LRP1B: variants seen among roughly 807,000 people sequenced by gnomAD.
The protein encoded by LRP1B is low-density lipoprotein receptor-related protein 1B.
LRP1B carries 217 observed loss-of-function variants against 556.6 expected under a neutral mutation model. That is an observed-to-expected ratio of 0.39 (90% confidence interval 0.35 to 0.44). The LOEUF is 0.44. Among genes scored for constraint, LRP1B ranks in the 20% least tolerant of loss-of-function variants. The pLI, the probability that LRP1B is intolerant of heterozygous loss-of-function variation, is 1.00. For missense variants in LRP1B, 5,053 were observed against 5,620.8 expected (o/e 0.90, Z 3.23); for synonymous variants, 2,047 against 1,865.8 (o/e 1.10, Z -2.50).
At chr2:141,140,952 T>A (rs1015448693) in intron 7 of LRP1B, among the ~76,000 whole-genome samples, 2 of 152,116 alleles carry the variant, frequency 1.3e-5, no homozygotes, top group Non-Finnish European at 2.9e-5. Context: ...ATTTTTAATG[T>A]TTAACTGTGC....
intron 2 of LRP1B, among the ~76,000 whole-genome samples, chr2:141,637,706 G>A (rs1046316455): frequency 2.6e-5 from 4 of 152,168 alleles, no homozygotes; most frequent in African/African-American, 4.8e-5. Context: ...GAAATCATGA[G>A]ATTCTAATAC....
chr2:142,000,822 C>T (rs930230947), intron 1 of LRP1B, among the ~76,000 whole-genome samples: 2 of 152,006 alleles, frequency 1.3e-5, no homozygotes, highest in African/African-American at 2.4e-5. Context: ...CCCAGATCAC[C>T]CAAATATTGA....
At chr2:141,185,227 G>T (rs1681188479) in intron 7 of LRP1B, among the ~76,000 whole-genome samples, 1 of 152,034 alleles carries the variant, frequency 6.6e-6, no homozygotes, top group Non-Finnish European at 1.5e-5. Flanking sequence ...AAAGGCAGAA[G>T]AAATATCCAA....
At position 141,741,369 on chromosome 2, in the gene LRP1B, C is replaced by G. The variant is rs187440652; in HGVS notation, c.205+68910G>C. Among the ~76,000 whole-genome samples the G allele has an allele frequency of 2.3e-3, 340 of 146,212 alleles. 2 individuals carry two copies. The highest frequency in any genetic ancestry group is 8.3e-3 in the African/African-American group (325 of 39,118). Reference sequence around the variant, plus strand: ...CTCTAATTTTAGTTTTTTTGAGGAGCCTCCAAACTGTTCTATAAAGTGGTT... The same window carrying G: ...CTCTAATTTTAGTTTTTTTGAGGAGGCTCCAAACTGTTCTATAAAGTGGTT... On this transcript the variant is annotated intron_variant, in intron 2 of 90. Coordinates refer to ENST00000389484, the MANE Select transcript of LRP1B (RefSeq NM_018557.3).
intron 1 of LRP1B, among the ~76,000 whole-genome samples, chr2:142,039,577 A>C (rs1254146317): frequency 6.6e-6 from 1 of 151,552 alleles, no homozygotes; most frequent in Non-Finnish European, 1.5e-5. Flanking sequence ...CAAACTAAAC[A>C]GAATTCCTGG....
intron 1 of LRP1B, among the ~76,000 whole-genome samples, chr2:141,981,482 G>A (rs1055146888): frequency 6.6e-6 from 1 of 152,138 alleles, no homozygotes; most frequent in Admixed American, 6.5e-5. Context: ...TCAGATCACA[G>A]AGTTAAGAGG....
At chr2:141,932,121 A>C (rs1202459543) in intron 1 of LRP1B, among the ~76,000 whole-genome samples, 1 of 151,992 alleles carries the variant, frequency 6.6e-6, no homozygotes, top group Non-Finnish European at 1.5e-5. Context: ...GCAAAAGATA[A>C]AGTGAGCAAA....
chr2:142,118,220 G>A (rs1048447563), intron 1 of LRP1B, among the ~76,000 whole-genome samples: 2 of 151,814 alleles, frequency 1.3e-5, no homozygotes, highest in Admixed American at 6.6e-5. Flanking sequence ...AGTGACTCTC[G>A]GGCTTGGGTT....
chr2:140,316,166 A>G (rs1402846639), intron 82 of LRP1B, among the ~76,000 whole-genome samples: 1 of 152,166 alleles, frequency 6.6e-6, no homozygotes, highest in East Asian at 1.9e-4. Flanking sequence ...TGAGCAACAT[A>G]GAGTGTTCAA....
chr2:141,005,963 G>A (rs1379032531), intron 14 of LRP1B, among the ~76,000 whole-genome samples: 12 of 151,968 alleles, frequency 7.9e-5, no homozygotes, highest in African/African-American at 2.9e-4. Flanking sequence ...AAAATGAGCA[G>A]GCTTGCTGGT....
Position 140,982,149 on chromosome 2 carries a change from T to C in LRP1B, c.2887+11A>G. 6.2e-7 allele frequency: 1 copy of C among 1,600,068 alleles called. No homozygotes were observed. The highest frequency in any genetic ancestry group is 1.1e-5 in the South Asian group (1 of 90,766). On this transcript the variant is annotated intron_variant, in intron 18 of 90. Transcript: ENST00000389484. ...AATCTGTAATAATAACATGTCTCAC[T>C]CACAACTTACCACAAGATGCCATTT...
intron 2 of LRP1B, among the ~76,000 whole-genome samples, chr2:141,762,859 C>A (rs75277514): frequency 0.013 from 1,917 of 152,268 alleles, 44 homozygotes; most frequent in African/African-American, 0.039. Context: ...ATAGGCTTCA[C>A]AGGAATTTAG....
chr2:141,217,134 A>C (rs1192763929), intron 6 of LRP1B, among the ~76,000 whole-genome samples: 1 of 152,134 alleles, frequency 6.6e-6, no homozygotes, highest in East Asian at 1.9e-4. Flanking sequence ...GTAATCTCCA[A>C]CGTTGGAGGT....
chr2:141,518,121 TTA>T (rs1491501594), intron 2 of LRP1B, among the ~76,000 whole-genome samples: 2 of 27,494 alleles, frequency 7.3e-5, no homozygotes, highest in South Asian at 5.0e-3. Flanking sequence ...AAGGTTATCT[TTA>T]AAAAAAAAAA....
At chr2:141,268,726 T>C (rs1684981648) in intron 3 of LRP1B, among the ~76,000 whole-genome samples, 1 of 152,102 alleles carries the variant, frequency 6.6e-6, no homozygotes, top group African/African-American at 2.4e-5. Context: ...CTTTTAACAT[T>C]TGCAGCAGAA....
chr2:141,987,549 G>GTTTTTTTTTTTTTTTTTTTTTTTTTT (rs5834887), intron 1 of LRP1B, among the ~76,000 whole-genome samples: 1 of 139,980 alleles, frequency 7.1e-6, no homozygotes, highest in Non-Finnish European at 1.5e-5. Context: ...GATTTAAGCT[G>GTTTTTTTTTTTTTTTTTTTTTTTTTT]TTTTTTTTTT....
At chr2:142,019,684 TA>T (rs1574601242) in intron 1 of LRP1B, among the ~76,000 whole-genome samples, 1 of 152,042 alleles carries the variant, frequency 6.6e-6, no homozygotes, top group Non-Finnish European at 1.5e-5. Context: ...CTTACCAGAG[TA>T]AAAACAGGGT....
chr2:140,853,610 A>G (rs1024389620), intron 27 of LRP1B, among the ~76,000 whole-genome samples: 3 of 152,190 alleles, frequency 2.0e-5, no homozygotes, highest in African/African-American at 7.2e-5. Flanking sequence ...TAAATATTCA[A>G]TGCAGCTTTT....
At chr2:141,072,048 G>C (rs990821692) in intron 7 of LRP1B, among the ~76,000 whole-genome samples, 4 of 152,004 alleles carry the variant, frequency 2.6e-5, no homozygotes, top group Admixed American at 1.3e-4. Context: ...ACAAGTCTCT[G>C]CTTAAAGCAT....
Sources: allele counts gnomAD v4.1 joint callset (sites outside exome capture counted in the v4.1 genomes callset), GRCh38; gene constraint gnomAD v4.1.1; transcripts MANE v1.5; gene names NCBI Gene and HGNC (gene_info 2026-07-23, HGNC 2026-07-21).